ENOX1: variants seen among roughly 807,000 people sequenced by gnomAD.
ENOX1 encodes the protein ecto-NOX disulfide-thiol exchanger 1.
A neutral mutation model predicts 82.5 loss-of-function variants in ENOX1; 42 were observed. The ratio of observed to expected loss-of-function variants is 0.51; its 90% CI spans 0.40 to 0.66. The LOEUF (loss-of-function observed/expected upper bound fraction) is 0.66, where lower values mean the gene tolerates loss of function less well. ENOX1 is among the 30% of genes least tolerant of loss of function. The probability of loss-of-function intolerance (pLI) is 0.00; values close to 1 mark genes in which losing one functional copy is unlikely to be tolerated. For missense variants in ENOX1, 608 were observed against 811.6 expected, an observed-to-expected ratio of 0.75 and a Z score of 3.05; for synonymous variants, 271 against 282.2, an observed-to-expected ratio of 0.96 and a Z score of 0.40.
intron 3 of ENOX1, among the ~76,000 whole-genome samples, chr13:43,422,372 AAAG>A (rs2055028083): frequency 6.6e-6 from 1 of 152,182 alleles, no homozygotes; most frequent in Non-Finnish European, 1.5e-5. Context: ...GTACAGTACT[AAAG>A]AAGTGAAATT....
chr13:43,566,174 T>C (rs747967033), intron 2 of ENOX1, among the ~76,000 whole-genome samples: 37 of 152,316 alleles, frequency 2.4e-4, no homozygotes, highest in African/African-American at 8.4e-4. Flanking sequence ...CTGGGGATGT[T>C]AGTGTTTACA....
At chr13:43,605,983 A>G (rs556786840) in intron 2 of ENOX1, among the ~76,000 whole-genome samples, 191 of 152,312 alleles carry the variant, frequency 1.3e-3, no homozygotes, top group African/African-American at 3.7e-3. Flanking sequence ...AATCCAATTA[A>G]AAAATGGGCA....
intron 2 of ENOX1, among the ~76,000 whole-genome samples, chr13:43,493,179 CTGTT>C (rs2076680346): frequency 6.6e-6 from 1 of 152,102 alleles, no homozygotes; most frequent in African/African-American, 2.4e-5. Flanking sequence ...CCTGTTGGTT[CTGTT>C]TATCTGGAGA....
At chr13:43,545,131 T>C (rs1039419383) in intron 2 of ENOX1, 7 of 152,046 alleles carry the variant, frequency 4.6e-5, no homozygotes, top group African/African-American at 7.2e-5. Flanking sequence ...CCAAGGGAGG[T>C]AGGGGCACAA....
At chr13:43,486,582 CCTTTT>C (rs2076427392) in intron 2 of ENOX1, among the ~76,000 whole-genome samples, 1 of 152,102 alleles carries the variant, frequency 6.6e-6, no homozygotes. Context: ...ATCAAGATAG[CCTTTT>C]AGTCAAGCAT....
intron 2 of ENOX1, among the ~76,000 whole-genome samples, chr13:43,513,711 C>G (rs1445586326): frequency 6.6e-6 from 1 of 151,902 alleles, no homozygotes; most frequent in Admixed American, 6.6e-5. Flanking sequence ...CTGACATTTC[C>G]TTTATGAGAT....
In ENOX1 at chr13:43,397,110, T is replaced by C. The variant is rs577207886; in HGVS notation, c.208+14806A>G. On this transcript the variant is annotated intron_variant, in intron 5 of 16. Coordinates refer to ENST00000690772, the MANE Select transcript of ENOX1 (RefSeq NM_001347969.2). The stretch of plus-strand genomic sequence containing the variant: ...GCTCTTCTGGTGCCCCTGCAGAATC[T>C]CTGGCATGCCCCTCTCTTGGCGAAG... 1.2e-4 allele frequency among the ~76,000 whole-genome samples: 18 copies of C among 152,348 alleles called. 1 individual carries two copies. The East Asian group carries it at 3.3e-3, about 28-fold the overall frequency.
intron 13 of ENOX1, among the ~76,000 whole-genome samples, chr13:43,267,633 G>A (rs1271073465): frequency 1.3e-5 from 2 of 152,224 alleles, no homozygotes; most frequent in Non-Finnish European, 2.9e-5. Flanking sequence ...CTCAAAGGCA[G>A]TGGTCAGTGG....
chr13:43,387,221 G>T (rs1226382566), intron 5 of ENOX1, among the ~76,000 whole-genome samples: 1 of 152,204 alleles, frequency 6.6e-6, no homozygotes, highest in Non-Finnish European at 1.5e-5. Flanking sequence ...ATTGTGCTAA[G>T]TGCCATTTAC....
intron 8 of ENOX1, among the ~76,000 whole-genome samples, chr13:43,351,026 T>C (rs1447620583): frequency 6.6e-6 from 1 of 152,232 alleles, no homozygotes; most frequent in African/African-American, 2.4e-5. Flanking sequence ...AGGAAAGGTA[T>C]GTCTGTAGTT....
intron 2 of ENOX1, among the ~76,000 whole-genome samples, chr13:43,589,896 CAAA>C (rs56787803): frequency 5.1e-4 from 56 of 108,836 alleles, no homozygotes; most frequent in East Asian, 4.9e-4. Flanking sequence ...GTCTATTCTG[CAAA>C]AAAAAAAAAA....
rs535535628 is a variant in ENOX1 at position 43,217,606 on chromosome 13, C to T, written c.1801-3485G>A. Among the ~76,000 whole-genome samples the T allele has an allele frequency of 2.0e-5, 3 of 152,268 alleles. No homozygotes were observed. The East Asian group carries it at 5.8e-4, about 29-fold the overall frequency. On this transcript the variant is annotated intron_variant, in intron 16 of 16. Coordinates refer to ENST00000690772, the MANE Select transcript of ENOX1 (RefSeq NM_001347969.2). ...AGCTCATTAAACAAGCAAGTGCCCC[C>T]CTCACTTGCTGGAGTAAAGAAAAGG...
intron 12 of ENOX1, among the ~76,000 whole-genome samples, chr13:43,274,988 G>GATT (rs2044921752): frequency 2.6e-5 from 4 of 152,196 alleles, no homozygotes; most frequent in Admixed American, 2.6e-4. Context: ...GGCACATAGA[G>GATT]ATTAAGGTCA....
chr13:43,610,721 C>A (rs758418088), intron 2 of ENOX1, among the ~76,000 whole-genome samples: 5 of 143,364 alleles, frequency 3.5e-5, no homozygotes, highest in Admixed American at 7.3e-5. Flanking sequence ...CTTTTATTTA[C>A]TTTCATGTTG....
intron 9 of ENOX1, among the ~76,000 whole-genome samples, chr13:43,341,772 A>G (rs1344342146): frequency 6.6e-6 from 1 of 152,190 alleles, no homozygotes; most frequent in Non-Finnish European, 1.5e-5. Context: ...CTCCTGCCTT[A>G]TTATGAGAAC....
intron 11 of ENOX1, among the ~76,000 whole-genome samples, chr13:43,310,791 T>TA (rs1458063263): frequency 6.6e-6 from 1 of 152,048 alleles, no homozygotes; most frequent in Non-Finnish European, 1.5e-5. Flanking sequence ...AACCTAGTTC[T>TA]ACAGAAAAAA....
chr13:43,576,105 A>G (rs753077033), intron 2 of ENOX1, among the ~76,000 whole-genome samples: 2 of 152,224 alleles, frequency 1.3e-5, no homozygotes, highest in Admixed American at 6.5e-5. Flanking sequence ...AAGGAAAAGG[A>G]CTCATAAAAA....
chr13:43,439,454 C>A (rs2056237790), intron 3 of ENOX1, among the ~76,000 whole-genome samples: 1 of 152,078 alleles, frequency 6.6e-6, no homozygotes, highest in Admixed American at 6.6e-5. Context: ...CCCACCTCAG[C>A]CTCGCAAAGT....
At chr13:43,268,989 A>G (rs1428520936) in intron 13 of ENOX1, among the ~76,000 whole-genome samples, 1 of 152,226 alleles carries the variant, frequency 6.6e-6, no homozygotes, top group Non-Finnish European at 1.5e-5. Flanking sequence ...TCAGGTTTAC[A>G]AACTTCATAT....
Sources: gnomAD v4.1 joint callset for allele counts (sites outside exome capture counted in the v4.1 genomes callset) on GRCh38, gnomAD v4.1.1 for gene constraint, MANE v1.5 for transcripts, NCBI Gene and HGNC (gene_info 2026-07-23, HGNC 2026-07-21) for gene names.